Variants in CNN3 observed in about 807,000 individuals in gnomAD.
The protein encoded by CNN3 is calponin-3.
In CNN3, 11 loss-of-function variants were observed where a neutral mutation model predicts 39.0. The ratio of observed to expected loss-of-function variants is 0.28; its 90% CI spans 0.18 to 0.47. The LOEUF (loss-of-function observed/expected upper bound fraction) is 0.47. CNN3 is among the 20% of genes least tolerant of loss of function. The pLI is 0.99. For missense variants in CNN3, 266 were observed against 403.4 expected (o/e 0.66, Z 2.92); for synonymous variants, 101 against 138.3 (o/e 0.73, Z 1.89).
rs537181663 is a variant in CNN3 at position 94,910,517 on chromosome 1, C to G, written c.58-6993G>C. ...TTCCTTCTCACTATCACTTGCTATT[C>G]TTGGTATCTCATGCAAGGACAATGA... On this transcript the variant is annotated intron_variant, in intron 1 of 6. Coordinates refer to ENST00000370206, the MANE Select transcript of CNN3 (RefSeq NM_001839.5). Among the ~76,000 whole-genome samples the G allele has an allele frequency of 9.7e-4, 147 of 152,292 alleles. 1 individual carries two copies. The highest frequency in any genetic ancestry group is 1.9e-3 in the Non-Finnish European group (127 of 68,014).
Position 94,897,774 on chromosome 1 carries a change from A to G in CNN3, c.958T>C (p.Tyr320His). The G allele has an allele frequency of 1.2e-6, 2 of 1,614,082 alleles. No individual in the cohort carries two copies. The change falls in exon 7 of 7, where the codon TAC becomes CAC. Residue 320 changes from tyrosine to histidine, a missense_variant. By Grantham distance (83) the Tyr-to-His change is moderately conservative. Transcript: ENST00000370206. ...GEYQDDYPRDYQYSDQGIDY is the reference protein window; with the variant it reads ...GEYQDDYPRDHQYSDQGIDY ...TCAATGCCTTGGTCGCTATATTGGT[A>G]ATCTCTGGGGTAGTCATCCTGGTAC... is the stretch of plus-strand genomic sequence containing the variant.
In CNN3 at chr1:94,912,169, A is replaced by G. The variant is rs1671183299; in HGVS notation, c.58-8645T>C. On this transcript the variant is annotated intron_variant, in intron 1 of 6. Coordinates refer to ENST00000370206, the MANE Select transcript of CNN3 (RefSeq NM_001839.5). ...AAGATGCAGAGCTAACAGAATGTCA[A>G]TTTTGTCTTCTCTGTCTAGAAAATG... Among the ~76,000 whole-genome samples the G allele has an allele frequency of 2.0e-5, 3 of 152,216 alleles. No individual in the cohort carries two copies. The South Asian group carries it at 6.2e-4, about 32-fold the overall frequency.
chr1:94,911,899 G>A (rs1055428574), intron 1 of CNN3, among the ~76,000 whole-genome samples: 1 of 151,924 alleles, frequency 6.6e-6, no homozygotes, highest in African/African-American at 2.4e-5. Flanking sequence ...GTGAAACCCT[G>A]TTTCTACTAC....
At chr1:94,912,860 T>C (rs1671200736) in intron 1 of CNN3, among the ~76,000 whole-genome samples, 1 of 152,192 alleles carries the variant, frequency 6.6e-6, no homozygotes, top group Non-Finnish European at 1.5e-5. Context: ...AAAAGTTCCT[T>C]ATGTCTAGCG....
chr1:94,912,435 A>T (rs959880646), intron 1 of CNN3, among the ~76,000 whole-genome samples: 1 of 152,186 alleles, frequency 6.6e-6, no homozygotes, highest in African/African-American at 2.4e-5. Context: ...GAGGGCAAGG[A>T]TCTATTACTG....
In CNN3 at chr1:94,898,091, T is replaced by C; in HGVS notation, c.649-8A>G. On this transcript the variant is annotated splice_polypyrimidine_tract_variant and splice_region_variant and intron_variant, in intron 6 of 6. Transcript: ENST00000370206. ...TGGTGCTAACATCCCTGCCTGGTAT[T>C]AGAACATAGTATAAAAGTTAAAACA... is the stretch of plus-strand genomic sequence containing the variant. 6.2e-7 allele frequency: 1 copy of C among 1,608,468 alleles called. No homozygotes were observed. The highest frequency in any genetic ancestry group is 8.5e-7 in the Non-Finnish European group (1 of 1,176,102).
intron 5 of CNN3, among the ~76,000 whole-genome samples, chr1:94,900,076 G>A (rs1392960790): frequency 6.6e-6 from 1 of 152,172 alleles, no homozygotes; most frequent in Non-Finnish European, 1.5e-5. Flanking sequence ...TGAGGAATTT[G>A]AACTCAGCAA....
rs553097274 is a variant in CNN3 at position 94,898,197 on chromosome 1, T to A, written c.649-114A>T. ...ATGAACAGTAATACATGAACTTTCATTTGGTTCAGGGGTAAAGCTAGCTTA... is the reference window on the plus strand; with the variant it reads ...ATGAACAGTAATACATGAACTTTCAATTGGTTCAGGGGTAAAGCTAGCTTA... On this transcript the variant is annotated intron_variant, in intron 6 of 6. Transcript: ENST00000370206. The A allele has an allele frequency of 8.4e-5, 94 of 1,117,150 alleles. 1 individual carries two copies. Among genetic ancestry groups the A allele is most frequent in the Non-Finnish European group, 1.1e-4 (90 of 793,982 alleles). The allele number at this position is 1,117,150 out of a possible 1,614,324, so 69.2% of individuals were successfully genotyped here.
intron 1 of CNN3, among the ~76,000 whole-genome samples, chr1:94,907,748 T>G (rs1218068952): frequency 6.6e-6 from 1 of 152,116 alleles, no homozygotes; most frequent in Non-Finnish European, 1.5e-5. Context: ...TAGTCCCAGC[T>G]ACTTGGGAGG....
At chr1:94,921,354 G>C (rs1453521748) in intron 1 of CNN3, among the ~76,000 whole-genome samples, 1 of 151,940 alleles carries the variant, frequency 6.6e-6, no homozygotes, top group Non-Finnish European at 1.5e-5. Context: ...GAGATCGTAC[G>C]ACCTCACTCC....
chr1:94,899,909 T>C (rs1018056469), intron 5 of CNN3, among the ~76,000 whole-genome samples: 4 of 152,172 alleles, frequency 2.6e-5, no homozygotes, highest in African/African-American at 4.8e-5. Context: ...TCCAGGAATG[T>C]TTTACATAAA....
chr1:94,914,796 T>A (rs1484489027), intron 1 of CNN3, among the ~76,000 whole-genome samples: 3 of 152,218 alleles, frequency 2.0e-5, no homozygotes, highest in African/African-American at 7.2e-5. Context: ...CTTACAGATA[T>A]GTTAACTGTG....
Position 94,897,477 on chromosome 1 carries a change from G to A in CNN3, c.*265C>T. The stretch of plus-strand genomic sequence containing the variant: ...TTGCATAAAAGAACTGGCTGTACAA[G>A]AGTACTCCCCTTTCACAGTATTCCT... On this transcript the variant is annotated 3_prime_UTR_variant, in exon 7 of 7. Coordinates refer to ENST00000370206, the MANE Select transcript of CNN3 (RefSeq NM_001839.5). 2.9e-6 allele frequency: 1 copy of A among 342,762 alleles called. No individual in the cohort carries two copies. Among genetic ancestry groups the A allele is most frequent in the Non-Finnish European group, 5.3e-6 (1 of 187,834 alleles). The allele number at this position is 342,762 out of a possible 1,614,324, so 21.2% of individuals were successfully genotyped here.
chr1:94,899,265 G>C, intron 6 of CNN3, 106 bp downstream of exon 6: 1 of 1,197,990 alleles, frequency 8.3e-7, no homozygotes, highest in Non-Finnish European at 1.1e-6. Context: ...CATTCCTGAA[G>C]GAATATACTC....
At chr1:94,912,966 C>T (rs1277763308) in intron 1 of CNN3, among the ~76,000 whole-genome samples, 2 of 152,168 alleles carry the variant, frequency 1.3e-5, no homozygotes, top group Non-Finnish European at 2.9e-5. Context: ...AGAGGAAACT[C>T]GTGGTGATGT....
At chr1:94,904,679 C>T (rs897777535) in intron 1 of CNN3, among the ~76,000 whole-genome samples, 3 of 151,970 alleles carry the variant, frequency 2.0e-5, no homozygotes, top group Non-Finnish European at 4.4e-5. Context: ...CCCACGAGAT[C>T]GAGGCTACAG....
chr1:94,910,753 G>C (rs544993297), intron 1 of CNN3, among the ~76,000 whole-genome samples: 2 of 152,264 alleles, frequency 1.3e-5, no homozygotes, highest in East Asian at 3.9e-4. Context: ...CTGTTCAATA[G>C]GAATGGAACC....
intron 5 of CNN3, 108 bp downstream of exon 5, chr1:94,901,561 C>G: frequency 2.9e-6 from 2 of 682,130 alleles, no homozygotes; most frequent in Non-Finnish European, 5.1e-6. Context: ...CACCCCCCCC[C>G]CAGTACTATA....
chr1:94,903,899 G>A (rs192979648), intron 1 of CNN3, among the ~76,000 whole-genome samples: 2 of 152,252 alleles, frequency 1.3e-5, no homozygotes, highest in South Asian at 4.1e-4. Context: ...AAAAGCTGGG[G>A]AAAGGATTCT....
Sources: allele counts gnomAD v4.1 joint callset (sites outside exome capture counted in the v4.1 genomes callset), GRCh38; gene constraint gnomAD v4.1.1; transcripts MANE v1.5; gene names NCBI Gene and HGNC (gene_info 2026-07-23, HGNC 2026-07-21).